TENT5D: variants seen among roughly 807,000 people sequenced by gnomAD.
The protein encoded by TENT5D is cancer/testis antigen 112.
For synonymous variants in TENT5D, 103 were observed against 100.6 expected, an observed-to-expected ratio of 1.02 and a Z score of -0.15; for missense variants, 191 against 287.0, an observed-to-expected ratio of 0.67 and a Z score of 2.42.
intron 1 of TENT5D, among the ~76,000 whole-genome samples, chrX:80,430,625 G>A (rs1374089914): frequency 1.8e-5 from 2 of 111,758 alleles, no homozygotes; most frequent in South Asian, 7.5e-4. Context: ...TTAGTTGTTG[G>A]ATAGTATTGA....
intron 3 of TENT5D, among the ~76,000 whole-genome samples, chrX:80,407,196 C>T (rs1472742654): frequency 2.8e-5 from 3 of 108,155 alleles, no homozygotes; most frequent in South Asian, 4.3e-4. Flanking sequence ...CATCAACTAA[C>T]GAGCAAAATA....
intron 2 of TENT5D, among the ~76,000 whole-genome samples, chrX:80,337,940 A>G (rs1370777133): frequency 1.8e-5 from 2 of 110,327 alleles, no homozygotes; most frequent in Admixed American, 9.7e-5. Flanking sequence ...AATTTTTTGT[A>G]TTTTAGTAGA....
At chrX:80,389,076 C>T (rs1931078672) in intron 3 of TENT5D, among the ~76,000 whole-genome samples, 1 of 111,454 alleles carries the variant, frequency 9.0e-6, no homozygotes, top group African/African-American at 3.3e-5. Context: ...CTCTCAAGCG[C>T]GGAAATTCTC....
intron 1 of TENT5D, among the ~76,000 whole-genome samples, chrX:80,425,799 T>G (rs1454696195): frequency 9.0e-6 from 1 of 111,238 alleles, no homozygotes; most frequent in Admixed American, 9.6e-5. Context: ...GAAGCTGAGG[T>G]AGGCGGATTA....
At chrX:80,409,120 T>C (rs1931574136) in intron 3 of TENT5D, among the ~76,000 whole-genome samples, 1 of 109,228 alleles carries the variant, frequency 9.2e-6, no homozygotes, top group Non-Finnish European at 1.9e-5. Flanking sequence ...GAGCTATCTA[T>C]GACAAACCCA....
At chrX:80,382,633 T>C (rs1930891758) in intron 3 of TENT5D, among the ~76,000 whole-genome samples, 1 of 111,048 alleles carries the variant, frequency 9.0e-6, no homozygotes, top group Non-Finnish European at 1.9e-5. Flanking sequence ...CTCCTTGAGC[T>C]GTGGTGGGCT....
At chrX:80,359,175 G>A (rs1182497385) in intron 3 of TENT5D, among the ~76,000 whole-genome samples, 1 of 111,904 alleles carries the variant, frequency 8.9e-6, no homozygotes, top group Non-Finnish European at 1.9e-5. Context: ...AGAGGATGTG[G>A]AGAAATAGGA....
chrX:80,377,505 AAT>A (rs1569361589), intron 3 of TENT5D, among the ~76,000 whole-genome samples: 1 of 110,193 alleles, frequency 9.1e-6, no homozygotes, highest in Non-Finnish European at 1.9e-5. Context: ...CTGTCCTTGC[AAT>A]AGTTTCCTCA....
In TENT5D at chrX:80,411,119, A is replaced by G. The variant is rs1931654463; in HGVS notation, c.-141-27491A>G. Among the ~76,000 whole-genome samples the G allele has an allele frequency of 7.1e-5, 7 of 98,757 alleles. 1 individual carries two copies. The South Asian group carries it at 3.4e-3, about 48-fold the overall frequency. The allele number at this position is 98,757 out of a possible 115,157, so 85.8% of individuals were successfully genotyped here. A position where few individuals can be genotyped will look rare whatever the true frequency, so the allele number is the denominator to read the frequency against. On this transcript the variant is annotated intron_variant, in intron 3 of 4. Coordinates refer to the TENT5D transcript ENST00000538312. ...TGGGGTGGGGGGAGGGGGGAGGGAT[A>G]GCATTGGGAGATATACCTAATGCTG...
intron 3 of TENT5D, among the ~76,000 whole-genome samples, chrX:80,408,462 A>G (rs1478439156): frequency 9.1e-6 from 1 of 110,134 alleles, no homozygotes; most frequent in Non-Finnish European, 1.9e-5. Flanking sequence ...AGAGAATACT[A>G]CAAACACCTC....
intron 3 of TENT5D, among the ~76,000 whole-genome samples, chrX:80,412,613 T>C (rs1931694826): frequency 9.0e-6 from 1 of 111,450 alleles, no homozygotes; most frequent in Non-Finnish European, 1.9e-5. Context: ...AGTTCAAAGT[T>C]CCACAAATCT....
intron 1 of TENT5D, among the ~76,000 whole-genome samples, chrX:80,422,412 G>T (rs778398998): frequency 1.2e-4 from 13 of 112,210 alleles, no homozygotes; most frequent in African/African-American, 3.9e-4. Flanking sequence ...GGCAGACATT[G>T]CAGTGAGCTG....
At chrX:80,443,388 C>T in exon 3 of TENT5D, 1 of 1,211,033 alleles carries the variant, frequency 8.3e-7, no homozygotes, top group Admixed American at 2.2e-5. Context: ...TTGAATCATA[C>T]CTCCACAACC....
At chrX:80,425,931 G>A (rs766655074) in intron 1 of TENT5D, among the ~76,000 whole-genome samples, 1 of 110,695 alleles carries the variant, frequency 9.0e-6, no homozygotes, top group South Asian at 3.9e-4. Flanking sequence ...GGAGGCTGAG[G>A]CAGGAGAATC....
chrX:80,386,294 A>G (rs1230083075), intron 3 of TENT5D, among the ~76,000 whole-genome samples: 1 of 111,340 alleles, frequency 9.0e-6, no homozygotes, highest in Non-Finnish European at 1.9e-5. Context: ...GAAGCTGGAA[A>G]CCATCATTCT....
intron 3 of TENT5D, among the ~76,000 whole-genome samples, chrX:80,387,795 G>A (rs1427348449): frequency 2.7e-5 from 3 of 111,649 alleles, no homozygotes; most frequent in Non-Finnish European, 3.8e-5. Context: ...AGCAAGTGGC[G>A]AAGCTGGCGA....
At chrX:80,398,721 A>G (rs772325434) in intron 3 of TENT5D, among the ~76,000 whole-genome samples, 7 of 110,431 alleles carry the variant, frequency 6.3e-5, no homozygotes, top group Non-Finnish European at 1.3e-4. Flanking sequence ...TTGGCTATGG[A>G]CATGTGGATT....
intron 3 of TENT5D, among the ~76,000 whole-genome samples, chrX:80,380,684 G>A (rs1930844793): frequency 8.9e-6 from 1 of 111,736 alleles, no homozygotes; most frequent in Admixed American, 9.5e-5. Flanking sequence ...AGCTCTTTGT[G>A]TTGAATAGAT....
At chrX:80,396,884 TG>T (rs1931261343) in intron 3 of TENT5D, among the ~76,000 whole-genome samples, 1 of 4,625 alleles carries the variant, frequency 2.2e-4, no homozygotes, top group Non-Finnish European at 7.4e-4. Context: ...CCAGACGGGG[TG>T]GCTGGCCGGG....
Sources: gnomAD v4.1 joint callset for allele counts (sites outside exome capture counted in the v4.1 genomes callset) on GRCh38, gnomAD v4.1.1 for gene constraint, MANE v1.5 for transcripts, NCBI Gene and HGNC (gene_info 2026-07-23, HGNC 2026-07-21) for gene names.